The following PNOC variants were observed in gnomAD, a reference collection of about 807,000 sequenced individuals.
PNOC encodes nociceptin.
In PNOC, 10 loss-of-function variants were observed where a neutral mutation model predicts 15.6. The ratio of observed to expected loss-of-function variants is 0.64; its 90% confidence interval spans 0.40 to 1.09. The LOEUF (loss-of-function observed/expected upper bound fraction) is 1.09, where lower values mean the gene tolerates loss of function less well. PNOC is among the 50% of genes least tolerant of loss of function. The pLI is 0.01. For synonymous variants in PNOC, 98 were observed against 88.5 expected (o/e 1.11, Z -0.60); for missense variants, 220 against 223.9 (o/e 0.98, Z 0.11).
In PNOC at chr8:28,342,979, C is replaced by A. The variant is rs1421779571; in HGVS notation, c.*85C>A. On this transcript the variant is annotated 3_prime_UTR_variant, in exon 4 of 4. Coordinates refer to ENST00000301908, the MANE Select transcript of PNOC (RefSeq NM_006228.5). ...TCCCCCAAACAGCATGTGCTCAGCCCCAGACCTGCCGCCTGGGAATCAGGA... is the reference window on the plus strand; with the variant it reads ...TCCCCCAAACAGCATGTGCTCAGCCACAGACCTGCCGCCTGGGAATCAGGA... 3.0e-6 allele frequency: 3 copies of A among 985,312 alleles called. No homozygotes were observed. The highest frequency in any genetic ancestry group is 3.6e-6 in the Non-Finnish European group (3 of 829,918). 61.0% of individuals were successfully genotyped at this position (985,312 alleles called of 1,614,324 possible). A position where few individuals can be genotyped will look rare whatever the true frequency, so the allele number is the denominator to read the frequency against.
intron 2 of PNOC, 65 bp downstream of exon 2, chr8:28,329,348 C>T: frequency 1.9e-6 from 3 of 1,582,284 alleles, no homozygotes; most frequent in Non-Finnish European, 2.6e-6. Context: ...CTCCCTACTC[C>T]AGAGCAGACT....
chr8:28,320,060 T>G lies in PNOC; in HGVS notation c.-24+2744T>G, dbSNP rs180893562. Among the ~76,000 whole-genome samples, 208 of 146,418 alleles carry G rather than the reference T, an allele frequency of 1.4e-3. 1 individual carries two copies. The East Asian group carries it at 0.028, about 19-fold the overall frequency. ...CTCAATTTTCCACGATCCTGTGGGGTTTTTTTTGTTTGTTTCTTTCTTTCT... is the reference window on the plus strand; with the variant it reads ...CTCAATTTTCCACGATCCTGTGGGGGTTTTTTTGTTTGTTTCTTTCTTTCT... On this transcript the variant is annotated intron_variant, in intron 1 of 3. Coordinates refer to ENST00000301908, the MANE Select transcript of PNOC (RefSeq NM_006228.5).
intron 3 of PNOC, among the ~76,000 whole-genome samples, chr8:28,341,002 G>A (rs1801509413): frequency 6.6e-6 from 1 of 152,202 alleles, no homozygotes. Context: ...CAAAGAACCA[G>A]TCAGATCATC....
intron 1 of PNOC, among the ~76,000 whole-genome samples, chr8:28,319,692 C>T (rs1801115323): frequency 2.6e-5 from 4 of 152,182 alleles, no homozygotes; most frequent in Admixed American, 1.3e-4. Context: ...AGTGATCCCT[C>T]ATTTCTCCAT....
chr8:28,335,010 G>A (rs539633870), intron 2 of PNOC, among the ~76,000 whole-genome samples: 72 of 152,300 alleles, frequency 4.7e-4, no homozygotes, highest in Middle Eastern at 3.4e-3. Context: ...AAAAAGCCAT[G>A]CTCAGAAAAA....
chr8:28,337,425 C>T (rs1801429529), intron 2 of PNOC, among the ~76,000 whole-genome samples: 1 of 152,070 alleles, frequency 6.6e-6, no homozygotes, highest in South Asian at 2.1e-4. Context: ...TCAGCCTCCC[C>T]AGTAGCTGGG....
intron 2 of PNOC, among the ~76,000 whole-genome samples, chr8:28,329,498 G>T (rs561230557): frequency 2.2e-4 from 34 of 152,352 alleles, no homozygotes; most frequent in African/African-American, 7.7e-4. Flanking sequence ...TGCAGGAAGA[G>T]CCCTGCCTGT....
intron 2 of PNOC, among the ~76,000 whole-genome samples, chr8:28,330,408 T>TG (rs1257291054): frequency 1.4e-5 from 2 of 139,954 alleles, no homozygotes; most frequent in African/African-American, 5.2e-5. Flanking sequence ...TTTTTTTTTT[T>TG]TTTTGAGACG....
chr8:28,318,794 C>T (rs911620418), intron 1 of PNOC, among the ~76,000 whole-genome samples: 1 of 152,198 alleles, frequency 6.6e-6, no homozygotes, highest in African/African-American at 2.4e-5. Context: ...ATTTTGAGGG[C>T]GCAGTTTTGT....
chr8:28,332,711 G>A (rs1214332005), intron 2 of PNOC, among the ~76,000 whole-genome samples: 1 of 152,204 alleles, frequency 6.6e-6, no homozygotes, highest in Non-Finnish European at 1.5e-5. Flanking sequence ...AGCATTTTGG[G>A]AGGCTGAGGC....
At chr8:28,342,353 T>G (rs1239202837) in intron 3 of PNOC, among the ~76,000 whole-genome samples, 1 of 27,374 alleles carries the variant, frequency 3.7e-5, no homozygotes, top group East Asian at 9.1e-4. Context: ...AAACCCCATC[T>G]CAAAAAAAAA....
At position 28,330,362 on chromosome 8, in the gene PNOC, C is replaced by CTTTATTTTATTTTAT. The variant is rs71549653; in HGVS notation, c.126+1103_126+1117dup. 9.3e-3 allele frequency among the ~76,000 whole-genome samples: 1,010 copies of CTTTATTTTATTTTAT among 108,068 alleles called. 39 individuals are homozygous for CTTTATTTTATTTTAT. The highest frequency in any genetic ancestry group is 0.036 in the Middle Eastern group (7 of 192). The allele number at this position is 108,068 out of a possible 152,430, so 70.9% of individuals were successfully genotyped here. On this transcript the variant is annotated intron_variant, in intron 2 of 3. Transcript: ENST00000301908. ...TTTAACCACTGAACAGGTATGTGCC[C>CTTTATTTTATTTTAT]TTTATTTTATTTTATTTTATTTTAT... is the stretch of plus-strand genomic sequence containing the variant.
At chr8:28,326,674 A>C (rs1417902434) in intron 1 of PNOC, among the ~76,000 whole-genome samples, 1 of 152,184 alleles carries the variant, frequency 6.6e-6, no homozygotes, top group Non-Finnish European at 1.5e-5. Context: ...AGCTTGGCCA[A>C]CATGGTGAAA....
intron 1 of PNOC, among the ~76,000 whole-genome samples, chr8:28,328,061 T>TCTC (rs1801255292): frequency 1.8e-5 from 1 of 56,518 alleles, no homozygotes; most frequent in Non-Finnish European, 3.0e-5. Context: ...CTCTCTCTCT[T>TCTC]TTTTTTTTTT....
intron 2 of PNOC, among the ~76,000 whole-genome samples, chr8:28,332,526 C>A (rs1407971738): frequency 6.6e-6 from 1 of 152,110 alleles, no homozygotes; most frequent in Non-Finnish European, 1.5e-5. Context: ...AACGTCCTGG[C>A]CTTTAACCTA....
chr8:28,332,018 T>C (rs570732403), intron 2 of PNOC, among the ~76,000 whole-genome samples: 1 of 152,314 alleles, frequency 6.6e-6, no homozygotes, highest in Admixed American at 6.5e-5. Context: ...CTCAAAAATT[T>C]GGAGCATGTC....
chr8:28,339,113 G>A lies in PNOC; in HGVS notation c.200G>A (p.Arg67Lys). 1 of 1,610,160 alleles carries A rather than the reference G, an allele frequency of 6.2e-7. No homozygotes were observed. The highest frequency in any genetic ancestry group is 1.1e-5 in the South Asian group (1 of 91,022). ...LWTPCTKVMA[R>K]SSWQLSPAAP... is the part of the protein sequence containing the mutation. ...ACTCCATGCACCAAGGTCATGGCCA[G>A]GAGCTCTTGGCAGCTCAGCCCTGCC... is the stretch of plus-strand genomic sequence containing the variant. Residue 67 changes from arginine to lysine, a missense_variant, in exon 3 of 4, where the codon AGG becomes AAG. By Grantham distance (26) the Arg-to-Lys change is conservative. Transcript: ENST00000301908.
intron 1 of PNOC, among the ~76,000 whole-genome samples, chr8:28,328,742 G>C (rs914364767): frequency 3.3e-5 from 5 of 152,180 alleles, no homozygotes; most frequent in African/African-American, 1.2e-4. Flanking sequence ...CAAAGTGGTT[G>C]ATTTAATGTC....
chr8:28,337,329 G>A (rs116215524), intron 2 of PNOC, among the ~76,000 whole-genome samples: 7,448 of 152,184 alleles, frequency 0.049, 664 homozygotes, highest in African/African-American at 0.17. Context: ...TTTAGGCAAA[G>A]TCTCACTCTG....
Sources: gnomAD v4.1 joint callset for allele counts (sites outside exome capture counted in the v4.1 genomes callset) on GRCh38, gnomAD v4.1.1 for gene constraint, MANE v1.5 for transcripts, NCBI Gene and HGNC (gene_info 2026-07-23, HGNC 2026-07-21) for gene names.